Variants in EIF2AK3 observed in about 807,000 individuals in gnomAD.
EIF2AK3 encodes the protein eukaryotic translation initiation factor 2 alpha kinase 3.
In EIF2AK3, 50 loss-of-function variants were observed where a neutral mutation model predicts 113.5. The ratio of observed to expected loss-of-function variants is 0.44; its 90% CI spans 0.35 to 0.56. The LOEUF is 0.56. Among genes scored for constraint, EIF2AK3 ranks in the 20% least tolerant of loss-of-function variants. The pLI is 0.00. For missense variants in EIF2AK3, 1,185 were observed against 1,378.0 expected, an observed-to-expected ratio of 0.86 and a Z score of 2.22; for synonymous variants, 448 against 495.4, an observed-to-expected ratio of 0.90 and a Z score of 1.27.
chr2:88,593,184 CAA>C, intron 4 of EIF2AK3, 86 bp downstream of exon 4: 2 of 1,541,302 alleles, frequency 1.3e-6, no homozygotes, highest in East Asian at 4.5e-5. Flanking sequence ...ACAAAATAGT[CAA>C]AATCTCCACA....
chr2:88,564,552 G>GACACAC (rs528714550), intron 14 of EIF2AK3, among the ~76,000 whole-genome samples: 1 of 149,140 alleles, frequency 6.7e-6, no homozygotes, highest in Non-Finnish European at 1.5e-5. Context: ...CCATTTCCAA[G>GACACAC]ACACACACAC....
At chr2:88,601,633 T>C (rs1051504016) in intron 2 of EIF2AK3, among the ~76,000 whole-genome samples, 2 of 152,192 alleles carry the variant, frequency 1.3e-5, no homozygotes, top group Non-Finnish European at 2.9e-5. Flanking sequence ...AGGAGGCACA[T>C]AGTGTTTGCA....
chr2:88,563,449 TAAAA>T (rs564682084), intron 14 of EIF2AK3, among the ~76,000 whole-genome samples: 15 of 151,926 alleles, frequency 9.9e-5, no homozygotes, highest in Admixed American at 1.3e-4. Flanking sequence ...TTGGAAGTGT[TAAAA>T]AAAATGTGCA....
Position 88,557,570 on chromosome 2 carries a change from A to AT in EIF2AK3, c.*165dup. 1.4e-6 allele frequency: 1 copy of AT among 727,300 alleles called. No individual in the cohort carries two copies. The highest frequency in any genetic ancestry group is 2.4e-6 in the Non-Finnish European group (1 of 420,278). 45.1% of individuals were successfully genotyped at this position (727,300 alleles called of 1,614,324 possible). ...TAGCAAAACTCAGGAGTTGGCTCAA[A>AT]TTAGGTTATGCCCCCAAATCCAGCT... On this transcript the variant is annotated 3_prime_UTR_variant, in exon 17 of 17. Transcript: ENST00000303236.
intron 9 of EIF2AK3, among the ~76,000 whole-genome samples, chr2:88,585,431 GTA>G (rs1026036947): frequency 2.0e-5 from 3 of 152,066 alleles, no homozygotes; most frequent in Admixed American, 2.0e-4. Flanking sequence ...GGAACCATTA[GTA>G]TATAAGAAGA....
At chr2:88,581,954 T>G (rs1302996263) in intron 10 of EIF2AK3, among the ~76,000 whole-genome samples, 1 of 152,232 alleles carries the variant, frequency 6.6e-6, no homozygotes, top group East Asian at 1.9e-4. Flanking sequence ...TCTGAATCAG[T>G]GTCTAATATA....
rs544262444 is a variant in EIF2AK3 at position 88,601,079 on chromosome 2, AATC to A, written c.439-5419_439-5417del. On this transcript the variant is annotated intron_variant, in intron 2 of 16. Transcript: ENST00000303236. ...ACTATATACTTGTTTACTGGAGTAA[AATC>A]ATCAAATTTTAAAATTTCTCCTATT... 1.9e-3 allele frequency among the ~76,000 whole-genome samples: 295 copies of A among 152,314 alleles called. 2 individuals carry two copies. The highest frequency in any genetic ancestry group is 6.8e-3 in the African/African-American group (281 of 41,570).
At position 88,579,574 on chromosome 2, in the gene EIF2AK3, A is replaced by G; in HGVS notation, c.1830T>C (p.Ala610=). The change falls in exon 11 of 17, where the codon GCT becomes GCC. Residue 610 remains alanine (A), a synonymous_variant. Coordinates refer to ENST00000303236, the MANE Select transcript of EIF2AK3 (RefSeq NM_004836.7). ...AATTGCAGTCATCTACTTTGTTTTTAGCTTCAAAAACAACTCCAAAGCCAC... is the reference window on the plus strand; with the variant it reads ...AATTGCAGTCATCTACTTTGTTTTTGGCTTCAAAAACAACTCCAAAGCCAC... ...GRGGFGVVFE[A]KNKVDDCNYA... 6.2e-7 allele frequency: 1 copy of G among 1,613,814 alleles called. No homozygotes were observed. The highest frequency in any genetic ancestry group is 8.5e-7 in the Non-Finnish European group (1 of 1,179,784).
At position 88,613,197 on chromosome 2, in the gene EIF2AK3, C is replaced by G. The variant is rs572243096; in HGVS notation, c.438+527G>C. ...AGCGAGGTCTCTTTGAATCTATGCTCTTTCCCCTCTACTATTCTAGAGCTC... is the reference window on the plus strand; with the variant it reads ...AGCGAGGTCTCTTTGAATCTATGCTGTTTCCCCTCTACTATTCTAGAGCTC... On this transcript the variant is annotated intron_variant, in intron 2 of 16. Coordinates refer to ENST00000303236, the MANE Select transcript of EIF2AK3 (RefSeq NM_004836.7). 3.9e-5 allele frequency among the ~76,000 whole-genome samples: 6 copies of G among 152,300 alleles called. No individual in the cohort carries two copies. The South Asian group carries it at 1.2e-3, about 32-fold the overall frequency.
intron 2 of EIF2AK3, among the ~76,000 whole-genome samples, chr2:88,605,760 T>C (rs56759033): frequency 0.022 from 3,417 of 152,156 alleles, 117 homozygotes; most frequent in African/African-American, 0.078. Flanking sequence ...ATTGACTATT[T>C]GTGACTTAAA....
intron 10 of EIF2AK3, among the ~76,000 whole-genome samples, chr2:88,581,135 C>T (rs540035640): frequency 6.6e-6 from 1 of 151,060 alleles, no homozygotes; most frequent in East Asian, 2.0e-4. Flanking sequence ...TGACTGAATG[C>T]AGAGTTCATG....
At chr2:88,588,287 C>T (rs1432458245) in intron 7 of EIF2AK3, among the ~76,000 whole-genome samples, 183 bp from the exon 8 acceptor site, 4 of 152,118 alleles carry the variant, frequency 2.6e-5, no homozygotes, top group African/African-American at 9.7e-5. Context: ...TACAGAGAAT[C>T]TGAGTTGTTT....
At chr2:88,574,598 G>C (rs1301230334) in intron 13 of EIF2AK3, 68 bp downstream of exon 13, 4 of 1,555,502 alleles carry the variant, frequency 2.6e-6, no homozygotes, top group South Asian at 2.3e-5. Flanking sequence ...TCAGAGTACT[G>C]CAAGTACTGC....
chr2:88,579,372 T>TA, intron 11 of EIF2AK3, 146 bp downstream of exon 11: 2 of 1,045,808 alleles, frequency 1.9e-6, no homozygotes, highest in South Asian at 3.0e-5. Flanking sequence ...GACAGCTGGT[T>TA]AATTGGCAGC....
chr2:88,614,685 C>A (rs1675530273), intron 1 of EIF2AK3, among the ~76,000 whole-genome samples: 1 of 152,130 alleles, frequency 6.6e-6, no homozygotes, highest in South Asian at 2.1e-4. Flanking sequence ...ACTGATACTA[C>A]AACCTTCACT....
intron 10 of EIF2AK3, 83 bp downstream of exon 10, chr2:88,583,347 T>G: frequency 1.0e-6 from 1 of 994,606 alleles, no homozygotes; most frequent in Non-Finnish European, 1.6e-6. Flanking sequence ...TTTCTAGATA[T>G]CCACACATTA....
In EIF2AK3 at chr2:88,588,814, G is replaced by A. The variant is rs1674805481; in HGVS notation, c.1253C>T (p.Thr418Ile). Reference sequence around the variant, plus strand: ...TAAAGGAATAATTGCGTTTTCATTAGTGACAGATTCCAAAGCCTTGGGACT... The same window carrying A: ...TAAAGGAATAATTGCGTTTTCATTAATGACAGATTCCAAAGCCTTGGGACT... ...PSSPKALESV[T>I]NENAIIPLPT... The change falls in exon 7 of 17, where the codon ACT becomes ATT. Residue 418 changes from threonine to isoleucine, a missense_variant. Transcript: ENST00000303236. 1.9e-6 allele frequency: 3 copies of A among 1,613,798 alleles called. No homozygotes were observed. Among genetic ancestry groups the A allele is most frequent in the Non-Finnish European group, 2.5e-6 (3 of 1,179,826 alleles).
At chr2:88,593,523 A>T in intron 3 of EIF2AK3, 118 bp from the exon 4 acceptor site, 1 of 1,198,476 alleles carries the variant, frequency 8.3e-7, no homozygotes, top group Non-Finnish European at 1.2e-6. Context: ...AATGTGTATG[A>T]AGTACTCAAG....
intron 2 of EIF2AK3, among the ~76,000 whole-genome samples, chr2:88,603,066 T>C (rs113130732): frequency 4.6e-5 from 7 of 152,338 alleles, no homozygotes; most frequent in African/African-American, 1.7e-4. Context: ...CTAGCCATAC[T>C]AGTTGTTTTG....
Sources: gnomAD v4.1 joint callset for allele counts (sites outside exome capture counted in the v4.1 genomes callset) on GRCh38, gnomAD v4.1.1 for gene constraint, MANE v1.5 for transcripts, NCBI Gene and HGNC (gene_info 2026-07-23, HGNC 2026-07-21) for gene names.